Variants in NSA2 observed in about 807,000 individuals in gnomAD.
The protein encoded by NSA2 is ribosome biogenesis protein NSA2 homolog.
Under a neutral mutation model 34.8 loss-of-function variants are expected in NSA2, and 18 were observed. The ratio of observed to expected loss-of-function variants is 0.52; its 90% CI spans 0.36 to 0.77. The LOEUF (loss-of-function observed/expected upper bound fraction) is 0.77. Among genes scored for constraint, NSA2 ranks in the 30% least tolerant of loss-of-function variants. The pLI, the probability that NSA2 is intolerant of heterozygous loss-of-function variation, is 0.00. For missense variants in NSA2, 188 were observed against 314.7 expected, an observed-to-expected ratio of 0.60 and a Z score of 3.05; for synonymous variants, 79 against 100.2, an observed-to-expected ratio of 0.79 and a Z score of 1.26.
At chr5:74,772,224 T>C (rs957195157) in intron 4 of NSA2, among the ~76,000 whole-genome samples, 5 of 151,354 alleles carry the variant, frequency 3.3e-5, no homozygotes, top group African/African-American at 1.2e-4. Flanking sequence ...TCCCGGGTTC[T>C]CGCCATTCTC....
At chr5:74,776,070 G>A (rs55941676) in intron 5 of NSA2, among the ~76,000 whole-genome samples, 3,361 of 152,266 alleles carry the variant, frequency 0.022, 121 homozygotes, top group African/African-American at 0.077. Context: ...CATGGAGCTG[G>A]CCATTATTTG....
At chr5:74,770,864 G>A (rs879148236) in intron 4 of NSA2, 54 bp downstream of exon 4, 21 of 1,254,200 alleles carry the variant, frequency 1.7e-5, no homozygotes, top group South Asian at 1.5e-4. Flanking sequence ...TTATTAAATC[G>A]GATAAAGAAC....
At chr5:74,775,980 A>AT (rs1745102493) in intron 5 of NSA2, among the ~76,000 whole-genome samples, 1 of 152,110 alleles carries the variant, frequency 6.6e-6, no homozygotes, top group Non-Finnish European at 1.5e-5. Context: ...AACTTGATAC[A>AT]TTTTCCAGGA....
chr5:74,776,098 T>A (rs1488797544), intron 5 of NSA2, among the ~76,000 whole-genome samples: 1 of 152,252 alleles, frequency 6.6e-6, no homozygotes, highest in Admixed American at 6.5e-5. Flanking sequence ...ACTATTTGTA[T>A]GAAAATTGTA....
At chr5:74,774,160 A>G in intron 5 of NSA2, 100 bp downstream of exon 5, 1 of 743,232 alleles carries the variant, frequency 1.3e-6, no homozygotes. Context: ...AATTTTTTTA[A>G]TGCAGTAGAG....
Position 74,768,262 on chromosome 5 carries a change from A to G in NSA2, c.4-669A>G, listed in dbSNP as rs147129123. Among the ~76,000 whole-genome samples the G allele has an allele frequency of 1.9e-4, 29 of 152,346 alleles. No individual in the cohort carries two copies. The East Asian group carries it at 5.6e-3, about 29-fold the overall frequency. On this transcript the variant is annotated intron_variant, in intron 1 of 5. Coordinates refer to ENST00000610426, the MANE Select transcript of NSA2 (RefSeq NM_014886.6). Reference sequence around the variant, plus strand: ...AGCGGGTAAACAGTGGTGTATCCATACAATAGCATACTACTCAACAATAAA... The same window carrying G: ...AGCGGGTAAACAGTGGTGTATCCATGCAATAGCATACTACTCAACAATAAA...
Position 74,773,889 on chromosome 5 carries a change from C to G in NSA2, c.544C>G (p.His182Asp), listed in dbSNP as rs1240013884. 2 of 1,612,802 alleles carry G rather than the reference C, an allele frequency of 1.2e-6. No individual in the cohort carries two copies. The highest frequency in any genetic ancestry group is 3.4e-5 in the Admixed American group (2 of 59,692). Residue 182 changes from histidine to aspartate, a missense_variant, in exon 5 of 6, where the codon CAT becomes GAT. Physicochemically the swap from His to Asp is moderately conservative, Grantham distance 81. Transcript: ENST00000610426. ...CTAGGGCTTGCGTTTCAAGAAAGCC[C>G]ATGTAACACATCCTGAACTGAAAGC... ...RPMGLRFKKAHVTHPELKATF... is the reference protein window; with the variant it reads ...RPMGLRFKKADVTHPELKATF...
intron 3 of NSA2, 60 bp downstream of exon 3, chr5:74,769,424 G>C: frequency 7.1e-7 from 1 of 1,400,042 alleles, no homozygotes; most frequent in Non-Finnish European, 9.7e-7. Context: ...ATTCAAATTT[G>C]AGGTTCTTGT....
Position 74,768,957 on chromosome 5 carries a change from C to T in NSA2, c.30C>T (p.His10=). 6.3e-7 allele frequency: 1 copy of T among 1,593,102 alleles called. No individual in the cohort carries two copies. The highest frequency in any genetic ancestry group is 8.5e-7 in the Non-Finnish European group (1 of 1,173,612). The part of the protein sequence containing the change: MPQNEYIEL[H]RKRYGYRLDY... The stretch of plus-strand genomic sequence containing the variant: ...CACAGAATGAATATATTGAATTACA[C>T]CGTAAACGCTATGGATACCGTTTGG... The change falls in exon 2 of 6, where the codon CAC becomes CAT. Residue 10 remains histidine (H), a synonymous_variant. Coordinates refer to ENST00000610426, the MANE Select transcript of NSA2 (RefSeq NM_014886.6).
In NSA2 at chr5:74,778,565, A is replaced by T. The variant is rs1479731016; in HGVS notation, c.*1894A>T. 1 of 150,652 alleles carries T rather than the reference A, an allele frequency of 6.6e-6. No homozygotes were observed. The highest frequency in any genetic ancestry group is 1.5e-5 in the Non-Finnish European group (1 of 67,792). The allele number at this position is 150,652 out of a possible 1,614,324, so 9.3% of individuals were successfully genotyped here. A position where few individuals can be genotyped will look rare whatever the true frequency, so the allele number is the denominator to read the frequency against. ...AATATAGACACATTTTAAGTAGAAG[A>T]CTGACGTTCTAAATCATGCTGTTTG... On this transcript the variant is annotated 3_prime_UTR_variant, in exon 6 of 6. Transcript: ENST00000610426.
At chr5:74,772,110 G>A (rs1744955312) in intron 4 of NSA2, among the ~76,000 whole-genome samples, 1 of 150,290 alleles carries the variant, frequency 6.7e-6, no homozygotes, top group Admixed American at 6.6e-5. Flanking sequence ...TAATCCTAGT[G>A]TTCAACCTGA....
rs1580062373 is a variant in NSA2, at chr5:74,778,591, A to G, written c.*1920A>G. The G allele has an allele frequency of 2.4e-5, 3 of 125,122 alleles. No homozygotes were observed. In the East Asian group the frequency reaches 6.1e-4, roughly 25 times the overall value. 7.8% of individuals were successfully genotyped at this position (125,122 alleles called of 1,614,324 possible). A position where few individuals can be genotyped will look rare whatever the true frequency, so the allele number is the denominator to read the frequency against. On this transcript the variant is annotated 3_prime_UTR_variant, in exon 6 of 6. Transcript: ENST00000610426. ...CTGACGTTCTAAATCATGCTGTTTG[A>G]TTTTATAAAAAAATCATAATAGACC...
chr5:74,767,270 C>G lies in NSA2; in HGVS notation c.-91C>G, dbSNP rs1454896435. The G allele has an allele frequency of 5.3e-6, 8 of 1,498,728 alleles. No individual in the cohort carries two copies. In the Admixed American group the frequency reaches 8.4e-5, roughly 16 times the overall value. The allele number at this position is 1,498,728 out of a possible 1,614,324, so 92.8% of individuals were successfully genotyped here. On this transcript the variant is annotated 5_prime_UTR_variant, in exon 1 of 6. Transcript: ENST00000610426. The stretch of plus-strand genomic sequence containing the variant: ...GGTGACTCTTTCCTGTCCCGGCCTG[C>G]GTGGTGTGGGCTTGTGGGTCTTTGA...
In NSA2 at chr5:74,769,212, A is replaced by AC. The variant is rs1744834791; in HGVS notation, c.192-2_192-1insC. On this transcript the variant is annotated splice_acceptor_variant, in intron 2 of 5. Coordinates refer to ENST00000610426, the MANE Select transcript of NSA2 (RefSeq NM_014886.6). LOFTEE classifies it high-confidence loss of function. ...TCTTGAATCTTTTTTCCTTCTTGGT[A>AC]GTATCAAGATGCATGAAAAGAGAAA... is the stretch of plus-strand genomic sequence containing the variant. 6.2e-7 allele frequency: 1 copy of AC among 1,601,340 alleles called. No homozygotes were observed. Among genetic ancestry groups the AC allele is most frequent in the Non-Finnish European group, 8.5e-7 (1 of 1,176,798 alleles).
At chr5:74,768,817 TAA>T (rs1344275372) in intron 1 of NSA2, 112 bp from the exon 2 acceptor site, 1 of 776,028 alleles carries the variant, frequency 1.3e-6, no homozygotes, top group African/African-American at 1.8e-5. Flanking sequence ...AAGAATCATT[TAA>T]GTAAGTGAAC....
intron 1 of NSA2, among the ~76,000 whole-genome samples, chr5:74,767,926 T>G (rs932271472): frequency 3.9e-5 from 6 of 152,238 alleles, no homozygotes; most frequent in Non-Finnish European, 7.3e-5. Flanking sequence ...GTTTATGTGA[T>G]AGCAGTTGGT....
Position 74,769,204 on chromosome 5 carries a change from T to C in NSA2, c.192-10T>C. ...ACAGATAATCTTGAATCTTTTTTCC[T>C]TCTTGGTAGTATCAAGATGCATGAA... On this transcript the variant is annotated splice_polypyrimidine_tract_variant and intron_variant, in intron 2 of 5. Coordinates refer to ENST00000610426, the MANE Select transcript of NSA2 (RefSeq NM_014886.6). 1 of 1,597,820 alleles carries C rather than the reference T, an allele frequency of 6.3e-7. No individual in the cohort carries two copies. The highest frequency in any genetic ancestry group is 1.1e-5 in the South Asian group (1 of 87,084).
chr5:74,778,996 T>A lies in NSA2; in HGVS notation c.*2325T>A, dbSNP rs1216709847. 2.0e-5 allele frequency: 3 copies of A among 152,136 alleles called. No individual in the cohort carries two copies. The highest frequency in any genetic ancestry group is 7.2e-5 in the African/African-American group (3 of 41,452). 9.4% of individuals were successfully genotyped at this position (152,136 alleles called of 1,614,324 possible). On this transcript the variant is annotated 3_prime_UTR_variant, in exon 6 of 6. Transcript: ENST00000610426. ...AATTCTATACTCAAGTTACTGAACA[T>A]GAGAGTTAGGTTTTTCCAAGTGATC... is the stretch of plus-strand genomic sequence containing the variant.
intron 3 of NSA2, 34 bp downstream of exon 3, chr5:74,769,398 TAGG>T (rs1561274458): frequency 1.3e-6 from 2 of 1,542,226 alleles, no homozygotes; most frequent in East Asian, 2.3e-5. Context: ...TTGTTTTGTT[TAGG>T]AGAATTACTT....
Sources: allele counts gnomAD v4.1 joint callset (sites outside exome capture counted in the v4.1 genomes callset), GRCh38; gene constraint gnomAD v4.1.1; transcripts MANE v1.5; gene names NCBI Gene and HGNC (gene_info 2026-07-23, HGNC 2026-07-21).